COL12A1: variants seen among roughly 807,000 people sequenced by gnomAD.
The protein encoded by COL12A1 is collagen type XII alpha 1 chain.
A neutral mutation model predicts 349.7 loss-of-function variants in COL12A1; 114 were observed. The observed-to-expected ratio is 0.33, with a 90% CI of 0.28 to 0.38. The LOEUF is 0.38. Ranked by LOEUF, COL12A1 falls within the 10% of genes least tolerant of loss-of-function variation. The probability of loss-of-function intolerance (pLI) is 1.00; values close to 1 mark genes in which losing one functional copy is unlikely to be tolerated. For missense variants in COL12A1, 3,284 were observed against 3,756.9 expected (o/e 0.87, Z 3.29); for synonymous variants, 1,369 against 1,329.0 (o/e 1.03, Z -0.66).
In COL12A1 at chr6:75,123,329, C is replaced by G; in HGVS notation, c.6946+1G>C. On this transcript the variant is annotated splice_donor_variant, in intron 43 of 65. Coordinates refer to ENST00000322507, the MANE Select transcript of COL12A1 (RefSeq NM_004370.6). LOFTEE classifies it high-confidence loss of function. ...CGTATTGCCTATTTAGCTGTACTTA[C>G]CATCCCGGGCTGGTGGAATGGTGGG... 1 of 1,608,370 alleles carries G rather than the reference C, an allele frequency of 6.2e-7. No individual in the cohort carries two copies. The highest frequency in any genetic ancestry group is 8.5e-7 in the Non-Finnish European group (1 of 1,177,186).
At chr6:75,104,556 C>T (rs529627900) in intron 54 of COL12A1, among the ~76,000 whole-genome samples, 153 of 152,214 alleles carry the variant, frequency 1.0e-3, no homozygotes, top group Non-Finnish European at 1.7e-3. Context: ...TAGAGCTATC[C>T]TCAAAACTGG....
chr6:75,196,757 G>A (rs1770246541), intron 2 of COL12A1, among the ~76,000 whole-genome samples: 1 of 152,184 alleles, frequency 6.6e-6, no homozygotes, highest in Non-Finnish European at 1.5e-5. Context: ...AGACACACTG[G>A]CCTGAGCATG....
At chr6:75,149,468 T>G (rs1157734763) in intron 21 of COL12A1, among the ~76,000 whole-genome samples, 1 of 152,116 alleles carries the variant, frequency 6.6e-6, no homozygotes, top group Non-Finnish European at 1.5e-5. Flanking sequence ...TGTTTTTCAA[T>G]CTGGGAACAA....
intron 13 of COL12A1, among the ~76,000 whole-genome samples, chr6:75,167,923 A>G (rs240717): frequency 1.3e-3 from 196 of 152,344 alleles, no homozygotes; most frequent in African/African-American, 3.8e-3. Context: ...ACTAAAAAAT[A>G]TTTTTAAGCT....
chr6:75,204,341 G>T (rs1270386534), intron 1 of COL12A1, among the ~76,000 whole-genome samples: 1 of 152,038 alleles, frequency 6.6e-6, no homozygotes, highest in Admixed American at 6.6e-5. Flanking sequence ...GAAAAGCTGT[G>T]CGCAGATTTT....
Position 75,098,337 on chromosome 6 carries a change from ATTTC to A in COL12A1, c.8524-1035_8524-1032del, listed in dbSNP as rs201583877. Among the ~76,000 whole-genome samples, 1,480 of 152,258 alleles carry A rather than the reference ATTTC, an allele frequency of 9.7e-3. 19 individuals are homozygous for A. The highest frequency in any genetic ancestry group is 0.033 in the African/African-American group (1,369 of 41,550). ...CTATTTATGTCTCCACTCCTGGTGA[ATTTC>A]TTTCTTCCTCTCCCAAAAGAGGCAA... On this transcript the variant is annotated intron_variant, in intron 58 of 65. Transcript: ENST00000322507.
rs1318989982 is a variant in COL12A1 at position 75,183,980 on chromosome 6, T to C, written c.1162A>G (p.Thr388Ala). 4 of 1,614,084 alleles carry C rather than the reference T, an allele frequency of 2.5e-6. 1 individual carries two copies. The highest frequency in any genetic ancestry group is 4.5e-5 in the East Asian group (2 of 44,890). The change falls in exon 9 of 66, where the codon ACG (threonine) becomes GCG (alanine). Residue 388 changes from threonine to alanine, a missense_variant. Transcript: ENST00000322507. ...HALSVGPQTT[T>A]LSVRDLSADT... is the part of the protein sequence containing the mutation. Reference sequence around the variant, plus strand: ...GCTGAGAGGTCGCGAACACTGAGCGTGGTTGTCTGAGGCCCCACACTCAGA... The same window carrying C: ...GCTGAGAGGTCGCGAACACTGAGCGCGGTTGTCTGAGGCCCCACACTCAGA...
chr6:75,166,951 C>G (rs1202784851), intron 13 of COL12A1, among the ~76,000 whole-genome samples: 1 of 152,012 alleles, frequency 6.6e-6, no homozygotes, highest in African/African-American at 2.4e-5. Context: ...ACCCCAAGCC[C>G]AAATGGAAAA....
At position 75,152,149 on chromosome 6, in the gene COL12A1, C is replaced by T. The variant is rs558000183; in HGVS notation, c.3817G>A (p.Gly1273Arg). Residue 1273 changes from glycine (G) to arginine (R), a missense_variant, in exon 19 of 66, where the codon GGA becomes AGA. This residue lies in a region of COL12A1 where 2,601 missense variants were observed against 2,824.8 expected (regional missense o/e 0.92). Coordinates refer to ENST00000322507, the MANE Select transcript of COL12A1 (RefSeq NM_004370.6). ...TACTCACCTGTGAGAGTATTGCCTC[C>T]TTTGTACGGCAAGTTTGCCACAGCT... ...LQAVANLPYK[G>R]GNTLTGMALN... 1 of 1,613,840 alleles carries T rather than the reference C, an allele frequency of 6.2e-7. No homozygotes were observed. The highest frequency in any genetic ancestry group is 1.3e-5 in the African/African-American group (1 of 75,014).
In COL12A1 at chr6:75,165,533, G is replaced by GA; in HGVS notation, c.2956_2957insT (p.Pro986LeufsTer9). The GA allele has an allele frequency of 6.2e-7, 1 of 1,613,706 alleles. No individual in the cohort carries two copies. The highest frequency in any genetic ancestry group is 8.5e-7 in the Non-Finnish European group (1 of 1,179,820). On this transcript the variant is annotated frameshift_variant, in exon 14 of 66. Transcript: ENST00000322507. LOFTEE classifies it high-confidence loss of function. Reference sequence around the variant, plus strand: ...TTCAGTTGTGGCATCTCCAGTCAAAGGTTCTCCTTCTCCACTGCTGTAAGT... The same window carrying GA: ...TTCAGTTGTGGCATCTCCAGTCAAAGAGTTCTCCTTCTCCACTGCTGTAAGT...
rs1248817880 is a variant in COL12A1 at position 75,123,414 on chromosome 6, A to G, written c.6872-10T>C. ...TCTGTTGGTTTCACAGCTAAAATTTAAAAATAATAATTATAAAAACACACC... is the reference window on the plus strand; with the variant it reads ...TCTGTTGGTTTCACAGCTAAAATTTGAAAATAATAATTATAAAAACACACC... On this transcript the variant is annotated splice_polypyrimidine_tract_variant and intron_variant, in intron 42 of 65. Coordinates refer to ENST00000322507, the MANE Select transcript of COL12A1 (RefSeq NM_004370.6). The G allele has an allele frequency of 6.5e-7, 1 of 1,542,702 alleles. No individual in the cohort carries two copies. The highest frequency in any genetic ancestry group is 8.7e-7 in the Non-Finnish European group (1 of 1,142,958).
At chr6:75,134,904 C>A in intron 31 of COL12A1, 49 bp from the exon 32 acceptor site, 1 of 1,570,570 alleles carries the variant, frequency 6.4e-7, no homozygotes, top group Non-Finnish European at 8.7e-7. Context: ...CTCTCCATCT[C>A]ACTAATCTGT....
intron 8 of COL12A1, 27 bp downstream of exon 8, chr6:75,188,335 A>G (rs752370553): frequency 1.9e-6 from 3 of 1,588,610 alleles, no homozygotes; most frequent in Non-Finnish European, 1.7e-6. Flanking sequence ...AGACTAACAC[A>G]TGGGGAATGC....
At chr6:75,135,201 T>G (rs1766528903) in intron 31 of COL12A1, among the ~76,000 whole-genome samples, 1 of 152,304 alleles carries the variant, frequency 6.6e-6, no homozygotes, top group African/African-American at 2.4e-5. Flanking sequence ...AAAGGGACTT[T>G]AAGATATGAA....
At chr6:75,123,307 A>G (rs763319947) in intron 43 of COL12A1, 23 bp downstream of exon 43, 2 of 1,593,118 alleles carry the variant, frequency 1.3e-6, no homozygotes, top group Middle Eastern at 1.7e-4. Flanking sequence ...AGCTGAACGT[A>G]TTGCCTATTT....
At chr6:75,095,322 A>G (rs1455539175) in intron 59 of COL12A1, 143 bp from the exon 60 acceptor site, 2 of 645,260 alleles carry the variant, frequency 3.1e-6, no homozygotes, top group Non-Finnish European at 2.6e-6. Context: ...AAATTTTAAG[A>G]TAACATGAAA....
At chr6:75,184,185 T>C in intron 8 of COL12A1, 41 bp from the exon 9 acceptor site, 1 of 1,582,142 alleles carries the variant, frequency 6.3e-7, no homozygotes, top group Non-Finnish European at 8.6e-7. Flanking sequence ...AACAGTGAGA[T>C]GTAACCTTAC....
At chr6:75,103,586 G>C (rs1768405809) in intron 55 of COL12A1, among the ~76,000 whole-genome samples, 171 bp downstream of exon 55, 1 of 152,134 alleles carries the variant, frequency 6.6e-6, no homozygotes, top group African/African-American at 2.4e-5. Flanking sequence ...TCTCTGGCTA[G>C]TCTAATCCAT....
Position 75,130,912 on chromosome 6 carries a change from T to C in COL12A1, c.6007A>G (p.Asn2003Asp), listed in dbSNP as rs1172637242. Residue 2003 changes from asparagine (N) to aspartate (D), a missense_variant, in exon 36 of 66, where the codon AAC (asparagine) becomes GAC (aspartate). By Grantham distance (23) the Asn-to-Asp change is conservative. Transcript: ENST00000322507. ...RLIPDTLYSV[N>D]LVALYSDGEG... ...CCATCCGAGTACAGAGCCACAAGGTTCACGGAATAGAGTGTGTCCGGAATC... is the reference window on the plus strand; with the variant it reads ...CCATCCGAGTACAGAGCCACAAGGTCCACGGAATAGAGTGTGTCCGGAATC... 6.2e-7 allele frequency: 1 copy of C among 1,614,146 alleles called. No homozygotes were observed. Among genetic ancestry groups the C allele is most frequent in the East Asian group, 2.2e-5 (1 of 44,872 alleles).
Sources: gnomAD v4.1 joint callset for allele counts (sites outside exome capture counted in the v4.1 genomes callset) on GRCh38, gnomAD v4.1.1 for gene constraint, gnomAD v4.1.1 regional missense constraint, MANE v1.5 for transcripts, NCBI Gene and HGNC (gene_info 2026-07-23, HGNC 2026-07-21) for gene names.